Variants in SORT1 observed in about 807,000 individuals in gnomAD.
SORT1 encodes sortilin 1, also known as sortilin.
Under a neutral mutation model 101.7 loss-of-function variants are expected in SORT1, and 39 were observed. The ratio of observed to expected loss-of-function variants is 0.38; its 90% CI spans 0.30 to 0.50. SORT1 has a LOEUF of 0.50. Among genes scored for constraint, SORT1 ranks in the 20% least tolerant of loss-of-function variants. The pLI is 0.90. For missense variants in SORT1, 878 were observed against 1,040.4 expected (o/e 0.84, Z 2.15); for synonymous variants, 396 against 393.7 (o/e 1.01, Z -0.07).
At chr1:109,314,084 G>A (rs369029810) in intron 19 of SORT1, 27 bp from the exon 20 acceptor site, 25 of 1,613,790 alleles carry the variant, frequency 1.5e-5, no homozygotes, top group African/African-American at 8.0e-5. Flanking sequence ...CCATATTACC[G>A]ACAGACCACA....
intron 16 of SORT1, among the ~76,000 whole-genome samples, chr1:109,317,622 TCTC>T (rs1314006221): frequency 6.6e-6 from 1 of 152,162 alleles, no homozygotes; most frequent in Non-Finnish European, 1.5e-5. Flanking sequence ...CCGAGCTTGT[TCTC>T]CTGCTCTGCC....
intron 2 of SORT1, chr1:109,368,424 GT>G (rs1651244557): frequency 6.6e-6 from 1 of 151,774 alleles, no homozygotes; most frequent in Admixed American, 6.6e-5. Context: ...TCTACTGAAA[GT>G]TTAAAAATTA....
At position 109,325,081 on chromosome 1, in the gene SORT1, G is replaced by A. The variant is rs1647899706; in HGVS notation, c.1652C>T (p.Thr551Ile). ...SRPINVIKFS[T>I]DEGQCWQTYT... is the part of the protein sequence containing the mutation. ...GGTTTGCCAGCATTGACCTTCGTCTGTGGAGAACCTGAAACCACAATTACA... is the reference window on the plus strand; with the variant it reads ...GGTTTGCCAGCATTGACCTTCGTCTATGGAGAACCTGAAACCACAATTACA... The change falls in exon 14 of 20, where the codon ACA becomes ATA. Residue 551 changes from threonine to isoleucine, a missense_variant. Thr to Ile is a moderately conservative substitution (Grantham distance 89). This residue lies in a region of SORT1 where 684 missense variants were observed against 894.5 expected (regional missense o/e 0.76). Coordinates refer to ENST00000256637, the MANE Select transcript of SORT1 (RefSeq NM_002959.7). 6.8e-6 allele frequency: 11 copies of A among 1,606,312 alleles called. No individual in the cohort carries two copies. In the East Asian group the frequency reaches 2.5e-4, roughly 36 times the overall value.
chr1:109,316,986 G>A, intron 16 of SORT1, 28 bp from the exon 17 acceptor site: 2 of 1,419,100 alleles, frequency 1.4e-6, no homozygotes, highest in South Asian at 1.2e-5. Context: ...TTTGGTAACA[G>A]AAGATAAGGA....
chr1:109,341,416 A>T (rs1649208803), intron 9 of SORT1, among the ~76,000 whole-genome samples: 1 of 151,470 alleles, frequency 6.6e-6, no homozygotes, highest in Non-Finnish European at 1.5e-5. Context: ...GCACGATCTC[A>T]GCTCACTGCA....
intron 1 of SORT1, among the ~76,000 whole-genome samples, chr1:109,372,878 G>T (rs1184466754): frequency 6.8e-6 from 1 of 147,048 alleles, no homozygotes; most frequent in Non-Finnish European, 1.5e-5. Flanking sequence ...CAGCCTGGGC[G>T]ACAGAGCGAG....
At chr1:109,343,945 C>G (rs572283183) in intron 8 of SORT1, among the ~76,000 whole-genome samples, 7 of 152,184 alleles carry the variant, frequency 4.6e-5, no homozygotes, top group Admixed American at 3.9e-4. Context: ...CCACCATGCT[C>G]GGCCCAAAAC....
chr1:109,319,751 C>T (rs1377378966), intron 15 of SORT1, among the ~76,000 whole-genome samples: 1 of 151,952 alleles, frequency 6.6e-6, no homozygotes, highest in African/African-American at 2.4e-5. Context: ...CCTATAATCC[C>T]AGCTACTCGG....
intron 11 of SORT1, among the ~76,000 whole-genome samples, chr1:109,330,416 TAAAA>T (rs869278906): frequency 1.3e-5 from 1 of 75,334 alleles, no homozygotes; most frequent in Non-Finnish European, 3.0e-5. Flanking sequence ...CAAAGGGAAA[TAAAA>T]AAAACTTGAG....
At chr1:109,384,842 C>T (rs563791212) in intron 1 of SORT1, among the ~76,000 whole-genome samples, 45 of 152,176 alleles carry the variant, frequency 3.0e-4, no homozygotes, top group Non-Finnish European at 4.9e-4. Flanking sequence ...ACTTGGGAGG[C>T]CAAGGCAGGT....
intron 19 of SORT1, 32 bp downstream of exon 19, chr1:109,314,229 G>GT (rs1658901021): frequency 6.5e-6 from 9 of 1,393,716 alleles, no homozygotes; most frequent in Non-Finnish European, 9.0e-6. Flanking sequence ...TTGGGGGGGG[G>GT]GGTACTACCA....
intron 16 of SORT1, 59 bp downstream of exon 16, chr1:109,317,794 C>A: frequency 8.8e-7 from 1 of 1,139,934 alleles, no homozygotes; most frequent in Non-Finnish European, 1.3e-6. Context: ...AGAGAAGCAG[C>A]TTTCACTCTG....
chr1:109,328,500 T>C (rs924240421), intron 11 of SORT1, among the ~76,000 whole-genome samples: 6 of 152,254 alleles, frequency 3.9e-5, no homozygotes, highest in African/African-American at 1.4e-4. Flanking sequence ...TCTTTTTATA[T>C]GCTTGTTAGT....
At chr1:109,364,073 A>C (rs930649189) in intron 3 of SORT1, among the ~76,000 whole-genome samples, 29 of 152,224 alleles carry the variant, frequency 1.9e-4, no homozygotes. Flanking sequence ...CAATGTGGTT[A>C]AACAAACAAA....
At chr1:109,361,499 C>A (rs979682078) in intron 3 of SORT1, among the ~76,000 whole-genome samples, 3 of 152,144 alleles carry the variant, frequency 2.0e-5, no homozygotes, top group Non-Finnish European at 2.9e-5. Flanking sequence ...TGAGCCTTCA[C>A]CAGAATCATC....
chr1:109,390,798 TGC>T (rs67438937), intron 1 of SORT1, among the ~76,000 whole-genome samples: 8,402 of 144,190 alleles, frequency 0.058, 401 homozygotes, highest in African/African-American at 0.14. Context: ...TGTGTGTGTG[TGC>T]GCGCGCGCGT....
intron 3 of SORT1, among the ~76,000 whole-genome samples, chr1:109,360,215 A>T (rs1012465913): frequency 6.6e-6 from 1 of 152,176 alleles, no homozygotes; most frequent in Non-Finnish European, 1.5e-5. Context: ...TCCAGCCTGT[A>T]GTCCCAGCCA....
Position 109,342,144 on chromosome 1 carries a change from C to A in SORT1, c.978G>T (p.Arg326Ser), listed in dbSNP as rs763051901. 12 of 1,612,338 alleles carry A rather than the reference C, an allele frequency of 7.4e-6. No individual in the cohort carries two copies. The highest frequency in any genetic ancestry group is 1.7e-5 in the Admixed American group (1 of 59,970). The change falls in exon 9 of 20, where the codon AGG becomes AGT. Residue 326 changes from arginine (R) to serine (S), a missense_variant. Arg to Ser is a moderately radical substitution (Grantham distance 110). Transcript: ENST00000256637. ...CCCCTTGATCTGTTGAAACGTGGAT[C>A]CTTCTTGTTGTATCCTAGAACAGAT... ...SVMADKDTTR[R>S]IHVSTDQGDT...
chr1:109,322,986 T>C lies in SORT1; in HGVS notation c.1970A>G (p.Tyr657Cys). 6.2e-7 allele frequency: 1 copy of C among 1,614,168 alleles called. No homozygotes were observed. Among genetic ancestry groups the C allele is most frequent in the Non-Finnish European group, 8.5e-7 (1 of 1,180,010 alleles). Residue 657 changes from tyrosine (Y) to cysteine (C), a missense_variant, in exon 15 of 20, where the codon TAT (tyrosine) becomes TGT (cysteine). Tyr to Cys is a radical substitution (Grantham distance 194). Around this residue, in one of 2 missense-constraint regions of SORT1, gnomAD observed 684 missense variants for 894.5 expected, o/e 0.76. Transcript: ENST00000256637. ...GATGGAGGGCTGCTTGGTCACAACA[T>C]AGTCTCGACCATTCTGACACACGGA... ...KSSVCQNGRD[Y>C]VVTKQPSICL...
Sources: gnomAD v4.1 joint callset for allele counts (sites outside exome capture counted in the v4.1 genomes callset) on GRCh38, gnomAD v4.1.1 for gene constraint, gnomAD v4.1.1 regional missense constraint, MANE v1.5 for transcripts, NCBI Gene and HGNC (gene_info 2026-07-23, HGNC 2026-07-21) for gene names.